RAD51B: variants seen among roughly 807,000 people sequenced by gnomAD.
RAD51B encodes DNA repair protein RAD51 homolog 2.
Under a neutral mutation model 42.2 loss-of-function variants are expected in RAD51B, and 38 were observed. The observed-to-expected ratio is 0.90, with a 90% CI of 0.70 to 1.18. The LOEUF is 1.18. Ranked by LOEUF, RAD51B falls within the 50% of genes most tolerant of loss-of-function variation. RAD51B has a pLI of 0.00. For synonymous variants in RAD51B, 154 were observed against 145.2 expected, an observed-to-expected ratio of 1.06 and a Z score of -0.43; for missense variants, 373 against 400.7, an observed-to-expected ratio of 0.93 and a Z score of 0.59.
chr14:68,682,453 T>C (rs1893452091), intron 11 of RAD51B, among the ~76,000 whole-genome samples: 1 of 152,216 alleles, frequency 6.6e-6, no homozygotes, highest in African/African-American at 2.4e-5. Context: ...GCCAGCCAAA[T>C]TTGAATTTCC....
chr14:68,182,196 AAG>A (rs2079072355), intron 7 of RAD51B, among the ~76,000 whole-genome samples: 3 of 152,324 alleles, frequency 2.0e-5, no homozygotes, highest in South Asian at 4.1e-4. Flanking sequence ...GTTCTCCTTT[AAG>A]AGAGAGTTTT....
chr14:68,293,394 G>A (rs1024897032), intron 8 of RAD51B, among the ~76,000 whole-genome samples: 4 of 152,098 alleles, frequency 2.6e-5, no homozygotes, highest in African/African-American at 9.7e-5. Flanking sequence ...CTGAAAATCA[G>A]GTGGCTTGTT....
chr14:68,091,281 A>G (rs1425905770), intron 7 of RAD51B, among the ~76,000 whole-genome samples: 6 of 152,312 alleles, frequency 3.9e-5, no homozygotes, highest in Admixed American at 6.5e-5. Flanking sequence ...CACCACACTG[A>G]CTTCCACAAT....
At chr14:68,329,587 G>A (rs942655562) in intron 8 of RAD51B, among the ~76,000 whole-genome samples, 8 of 152,186 alleles carry the variant, frequency 5.3e-5, no homozygotes, top group Non-Finnish European at 1.2e-4. Flanking sequence ...TGTGGTATCT[G>A]TAATTAAATA....
intron 7 of RAD51B, among the ~76,000 whole-genome samples, chr14:68,001,828 G>A (rs535857769): frequency 1.3e-5 from 2 of 152,240 alleles, no homozygotes; most frequent in East Asian, 3.9e-4. Flanking sequence ...TTAGTTTGCC[G>A]AGGATAATGG....
intron 10 of RAD51B, among the ~76,000 whole-genome samples, chr14:68,646,945 A>G (rs1313003531): frequency 6.6e-6 from 1 of 152,234 alleles, no homozygotes; most frequent in African/African-American, 2.4e-5. Context: ...TATTAACTAT[A>G]CAATGAGGCT....
intron 8 of RAD51B, among the ~76,000 whole-genome samples, chr14:68,394,261 C>T (rs2083848663): frequency 6.6e-6 from 1 of 152,214 alleles, no homozygotes; most frequent in African/African-American, 2.4e-5. Flanking sequence ...TCTCAGGCCT[C>T]CATCTGCAGG....
At chr14:68,021,219 G>T (rs189457836) in intron 7 of RAD51B, among the ~76,000 whole-genome samples, 5 of 152,216 alleles carry the variant, frequency 3.3e-5, no homozygotes, top group Admixed American at 3.3e-4. Flanking sequence ...CTAAGTTAAT[G>T]TTCTATTAGA....
At chr14:68,075,201 G>A (rs747149966) in intron 7 of RAD51B, among the ~76,000 whole-genome samples, 40 of 152,148 alleles carry the variant, frequency 2.6e-4, no homozygotes, top group Non-Finnish European at 3.1e-4. Context: ...CTTGCCTGGT[G>A]ACAAACAGAG....
At chr14:67,997,682 A>G (rs2075408789) in intron 7 of RAD51B, among the ~76,000 whole-genome samples, 1 of 152,112 alleles carries the variant, frequency 6.6e-6, no homozygotes, top group African/African-American at 2.4e-5. Flanking sequence ...TTTGGCCATT[A>G]ATTTTTCACG....
chr14:68,202,573 CTTTTTTTTTTT>C (rs145298493), intron 7 of RAD51B, among the ~76,000 whole-genome samples: 12 of 81,650 alleles, frequency 1.5e-4, no homozygotes, highest in East Asian at 3.9e-4. Flanking sequence ...GAAGCAACGT[CTTTTTTTTTTT>C]TTTTTTTTTT....
intron 7 of RAD51B, among the ~76,000 whole-genome samples, chr14:67,928,462 G>T (rs1287874259): frequency 2.0e-5 from 3 of 152,122 alleles, no homozygotes; most frequent in South Asian, 2.1e-4. Context: ...GGCGGTGTCT[G>T]ATTTGCATAC....
chr14:68,270,665 G>T (rs542115790), intron 7 of RAD51B, among the ~76,000 whole-genome samples: 1 of 152,344 alleles, frequency 6.6e-6, no homozygotes, highest in South Asian at 2.1e-4. Flanking sequence ...ACATCACCCA[G>T]ATTGCCTGGG....
At chr14:68,562,964 T>C (rs1889228362) in intron 10 of RAD51B, 2 of 985,312 alleles carry the variant, frequency 2.0e-6, no homozygotes, top group Admixed American at 6.1e-5. Flanking sequence ...AATAGTGTGC[T>C]CCACGGAAGG....
chr14:67,855,527 A>G (rs1334423221), intron 4 of RAD51B, among the ~76,000 whole-genome samples: 1 of 152,042 alleles, frequency 6.6e-6, no homozygotes, highest in Non-Finnish European at 1.5e-5. Flanking sequence ...GGCTTGAGCC[A>G]CCGCACCCGG....
At chr14:68,568,827 C>T (rs535181846) in intron 10 of RAD51B, among the ~76,000 whole-genome samples, 1 of 152,258 alleles carries the variant, frequency 6.6e-6, no homozygotes, top group Admixed American at 6.5e-5. Context: ...TGCCTTCTTT[C>T]TCATCTTTTT....
chr14:68,376,105 G>A lies in RAD51B; in HGVS notation c.854-35319G>A, dbSNP rs189821695. ...CACTTAAGGATTTTGTAAAATGTGA[G>A]GGTGTTATTAAAGTAGGCTTATTAT... On this transcript the variant is annotated intron_variant, in intron 8 of 10. Coordinates refer to ENST00000471583, the MANE Select transcript of RAD51B (RefSeq NM_133510.4). 3.9e-5 allele frequency among the ~76,000 whole-genome samples: 6 copies of A among 152,232 alleles called. No individual in the cohort carries two copies. The East Asian group carries it at 1.2e-3, about 29-fold the overall frequency.
intron 2 of RAD51B, among the ~76,000 whole-genome samples, chr14:67,824,572 A>T (rs1424800286): frequency 6.6e-6 from 1 of 152,064 alleles, no homozygotes; most frequent in African/African-American, 2.4e-5. Context: ...TTTATCTTTA[A>T]TAAGACATTT....
At chr14:68,085,034 G>A (rs897011476) in intron 7 of RAD51B, among the ~76,000 whole-genome samples, 15 of 152,302 alleles carry the variant, frequency 9.8e-5, no homozygotes, top group South Asian at 4.1e-4. Context: ...AAAGGAAGGC[G>A]TCAAGAATAA....
Sources: allele counts gnomAD v4.1 joint callset (sites outside exome capture counted in the v4.1 genomes callset), GRCh38; gene constraint gnomAD v4.1.1; transcripts MANE v1.5; gene names NCBI Gene and HGNC (gene_info 2026-07-23, HGNC 2026-07-21).